The following PALM2AKAP2 variants were observed in gnomAD, a reference collection of about 807,000 sequenced individuals.
PALM2AKAP2 encodes PALM2 and AKAP2 fusion, also known as PALM2-AKAP2 fusion protein.
In PALM2AKAP2, 37 loss-of-function variants were observed where a neutral mutation model predicts 71.5. The ratio of observed to expected loss-of-function variants is 0.52; its 90% confidence interval spans 0.40 to 0.68. The LOEUF is 0.68. Among genes scored for constraint, PALM2AKAP2 ranks in the 30% least tolerant of loss-of-function variants. The pLI is 0.00. For missense variants in PALM2AKAP2, 1,224 were observed against 1,191.8 expected (o/e 1.03, Z -0.40); for synonymous variants, 468 against 478.8 (o/e 0.98, Z 0.29).
intron 1 of PALM2AKAP2, among the ~76,000 whole-genome samples, chr9:109,752,664 T>A (rs1828902018): frequency 6.6e-6 from 1 of 152,116 alleles, no homozygotes; most frequent in South Asian, 2.1e-4. Context: ...ATGAAGGACC[T>A]TGAAGGTGGT....
chr9:109,743,293 C>T (rs972200635), intron 1 of PALM2AKAP2, among the ~76,000 whole-genome samples: 2 of 152,186 alleles, frequency 1.3e-5, no homozygotes, highest in Non-Finnish European at 2.9e-5. Flanking sequence ...AAGTATTCTA[C>T]ATGCTGGGAT....
exon 2 of PALM2AKAP2, chr9:110,136,647 G>C: frequency 6.2e-7 from 1 of 1,614,096 alleles, no homozygotes; most frequent in Non-Finnish European, 8.5e-7. Flanking sequence ...CATTCCCCCA[G>C]CCAGCCTAGA....
At chr9:109,942,362 T>C (rs1831390493) in intron 6 of PALM2AKAP2, among the ~76,000 whole-genome samples, 1 of 152,226 alleles carries the variant, frequency 6.6e-6, no homozygotes, top group Non-Finnish European at 1.5e-5. Flanking sequence ...TCAAGGTAGT[T>C]TGCATGTTGC....
chr9:109,766,908 C>G (rs1049702338), intron 1 of PALM2AKAP2, among the ~76,000 whole-genome samples: 1 of 152,182 alleles, frequency 6.6e-6, no homozygotes, highest in Non-Finnish European at 1.5e-5. Context: ...AACCCAGAGC[C>G]TTGCAGTGCC....
chr9:109,690,959 A>C (rs1323823596), intron 1 of PALM2AKAP2, among the ~76,000 whole-genome samples: 2 of 152,176 alleles, frequency 1.3e-5, no homozygotes, highest in African/African-American at 4.8e-5. Flanking sequence ...TTTCAGAACA[A>C]AAGCTGTAAA....
At position 110,065,040 on chromosome 9, in the gene PALM2AKAP2, T is replaced by G. The variant is rs552728197; in HGVS notation, c.156+16185T>G. ...GAAACATAGCAGTGACAGCGTTGAA[T>G]GGCTTGTCCCCATCAGTAAGCTTTG... On this transcript the variant is annotated intron_variant, in intron 1 of 3. Transcript: ENST00000374525. Among the ~76,000 whole-genome samples, 6 of 152,312 alleles carry G rather than the reference T, an allele frequency of 3.9e-5. No homozygotes were observed. The South Asian group carries it at 1.0e-3, about 26-fold the overall frequency.
intron 1 of PALM2AKAP2, among the ~76,000 whole-genome samples, chr9:109,759,229 T>C (rs1829012349): frequency 1.3e-5 from 2 of 152,108 alleles, no homozygotes; most frequent in Non-Finnish European, 2.9e-5. Context: ...CATTTATGCA[T>C]TATAGAACCC....
intron 1 of PALM2AKAP2, among the ~76,000 whole-genome samples, chr9:109,669,180 G>A (rs781509573): frequency 1.4e-4 from 21 of 152,100 alleles, no homozygotes; most frequent in Non-Finnish European, 3.1e-4. Context: ...TAGGATTTTA[G>A]TTGTAGGTTT....
intron 4 of PALM2AKAP2, 116 bp from the exon 5 acceptor site, chr9:109,924,945 G>A (rs1047408114): frequency 6.7e-7 from 1 of 1,503,476 alleles, no homozygotes; most frequent in Middle Eastern, 1.7e-4. Context: ...CCCCAGCACA[G>A]TCAAATTCTG....
At chr9:109,938,129 G>GT (rs1831274169) in intron 6 of PALM2AKAP2, among the ~76,000 whole-genome samples, 1 of 152,096 alleles carries the variant, frequency 6.6e-6, no homozygotes, top group Non-Finnish European at 1.5e-5. Context: ...CACTGAAAAC[G>GT]TAAGTCTTAT....
intron 6 of PALM2AKAP2, among the ~76,000 whole-genome samples, chr9:109,956,687 T>C (rs1286251774): frequency 6.6e-6 from 1 of 152,210 alleles, no homozygotes; most frequent in Non-Finnish European, 1.5e-5. Flanking sequence ...TTGTTATTTT[T>C]GTCCTGTGTG....
intron 1 of PALM2AKAP2, among the ~76,000 whole-genome samples, chr9:109,845,970 G>A (rs1335541051): frequency 6.6e-6 from 1 of 152,188 alleles, no homozygotes; most frequent in Non-Finnish European, 1.5e-5. Flanking sequence ...ATAAAAACCA[G>A]CAAGATCTAA....
intron 1 of PALM2AKAP2, chr9:109,867,137 A>G (rs914878678): frequency 6.6e-6 from 3 of 455,956 alleles, no homozygotes; most frequent in Admixed American, 2.4e-5. Context: ...TTTGTGTCCA[A>G]ATTAACACTG....
At position 109,664,343 on chromosome 9, in the gene PALM2AKAP2, T is replaced by A. The variant is rs570553422; in HGVS notation, c.5+23477T>A. Among the ~76,000 whole-genome samples the A allele has an allele frequency of 1.2e-4, 18 of 152,334 alleles. No homozygotes were observed. The South Asian group carries it at 3.7e-3, about 32-fold the overall frequency. ...GGCTGGTACCGGTTGTTTCTTTCCA[T>A]GTTTAGTGCCTCCTTCAGGAGCTCT... On this transcript the variant is annotated intron_variant, in intron 1 of 6. Transcript: ENST00000374531.
chr9:109,898,827 T>A (rs934196208), intron 3 of PALM2AKAP2, among the ~76,000 whole-genome samples: 1 of 152,188 alleles, frequency 6.6e-6, no homozygotes, highest in Non-Finnish European at 1.5e-5. Flanking sequence ...CAGTGACTAT[T>A]TAGGGGCTAA....
At chr9:109,957,956 G>T (rs1034885285) in intron 6 of PALM2AKAP2, among the ~76,000 whole-genome samples, 6 of 152,130 alleles carry the variant, frequency 3.9e-5, no homozygotes, top group Non-Finnish European at 8.8e-5. Flanking sequence ...TTGGATTCAG[G>T]AACAAAGCAA....
chr9:109,827,234 A>G (rs1316800163), intron 1 of PALM2AKAP2, among the ~76,000 whole-genome samples: 3 of 152,238 alleles, frequency 2.0e-5, no homozygotes, highest in African/African-American at 2.4e-5. Context: ...AAAGTAGACA[A>G]TGATCAAAGA....
At chr9:110,087,783 A>T (rs1207246226) in intron 1 of PALM2AKAP2, among the ~76,000 whole-genome samples, 3 of 152,132 alleles carry the variant, frequency 2.0e-5, no homozygotes, top group Non-Finnish European at 4.4e-5. Context: ...CATGTAGGAG[A>T]CAGTAGTGAG....
intron 7 of PALM2AKAP2, among the ~76,000 whole-genome samples, chr9:110,023,472 G>A (rs961134183): frequency 6.6e-6 from 1 of 151,504 alleles, no homozygotes; most frequent in Non-Finnish European, 1.5e-5. Context: ...GTGCCACCAC[G>A]CCCGGATAAT....
Sources: gnomAD v4.1 joint callset for allele counts (sites outside exome capture counted in the v4.1 genomes callset) on GRCh38, gnomAD v4.1.1 for gene constraint, MANE v1.5 for transcripts, NCBI Gene and HGNC (gene_info 2026-07-23, HGNC 2026-07-21) for gene names.